Variants in ASB18 observed in about 807,000 individuals in gnomAD.
ASB18 encodes ankyrin repeat and SOCS box containing 18.
A neutral mutation model predicts 33.4 loss-of-function variants in ASB18; 33 were observed. That is an observed-to-expected ratio of 0.99 (90% CI 0.75 to 1.32). The LOEUF is 1.32. ASB18 is among the 40% of genes most tolerant of loss of function. ASB18 has a pLI of 0.00. For missense variants in ASB18, 694 were observed against 655.5 expected (o/e 1.06, Z -0.64); for synonymous variants, 295 against 307.6 (o/e 0.96, Z 0.43).
In ASB18 at chr2:236,237,354, CGCGGGGCG is replaced by C. The variant is rs2060597569; in HGVS notation, c.596+327_596+334del. On this transcript the variant is annotated intron_variant, in intron 3 of 5. Coordinates refer to ENST00000409749, the MANE Select transcript of ASB18 (RefSeq NM_212556.4). This position sits in a 1 kb window ranked among gnomAD's most constrained non-coding sequence, Gnocchi z 6.2. ...AAACCCGCGGGGGCCGGGGCCGGGG[CGCGGGGCG>C]GGGGCCGGGGCCGGGGCGCGGGGCG... 2.2e-5 allele frequency among the ~76,000 whole-genome samples: 1 copy of C among 45,424 alleles called. No homozygotes were observed. 29.8% of individuals were successfully genotyped at this position (45,424 alleles called of 152,430 possible). A position where few individuals can be genotyped will look rare whatever the true frequency, so the allele number is the denominator to read the frequency against.
intron 4 of ASB18, among the ~76,000 whole-genome samples, chr2:236,197,821 T>TAAA: frequency 1.0e-5 from 1 of 99,842 alleles, no homozygotes; most frequent in African/African-American, 1.0e-4. Context: ...AAACTCAGTC[T>TAAA]CAAAAAAAAA....
intron 4 of ASB18, among the ~76,000 whole-genome samples, chr2:236,201,924 T>A (rs2060405151): frequency 6.6e-6 from 1 of 151,932 alleles, no homozygotes; most frequent in Non-Finnish European, 1.5e-5. Flanking sequence ...AAGTACATTT[T>A]TTTTTGCCAG....
chr2:236,203,884 A>AAACCAACCAACC lies in ASB18; in HGVS notation c.1102-7511_1102-7500dup, dbSNP rs558164843. On this transcript the variant is annotated intron_variant, in intron 4 of 5. Transcript: ENST00000409749. The surrounding 1 kb of genome is among the most constrained non-coding windows in gnomAD (Gnocchi z 6.0). ...CCCCTCTCAAAAACCAAACCAAACC[A>AAACCAACCAACC]AACCAACCAACCAACCAACCAACCA... Among the ~76,000 whole-genome samples, 1 of 120,730 alleles carries AAACCAACCAACC rather than the reference A, an allele frequency of 8.3e-6. No homozygotes were observed. Among genetic ancestry groups the AAACCAACCAACC allele is most frequent in the African/African-American group, 3.1e-5 (1 of 32,720 alleles). The allele number at this position is 120,730 out of a possible 152,430, so 79.2% of individuals were successfully genotyped here. A position where few individuals can be genotyped will look rare whatever the true frequency, so the allele number is the denominator to read the frequency against.
rs1308255179 is a variant in ASB18, at chr2:236,222,749, G to C, written c.597-7883C>G. On this transcript the variant is annotated intron_variant, in intron 3 of 5. Transcript: ENST00000409749. This position sits in a 1 kb window ranked among gnomAD's most constrained non-coding sequence, Gnocchi z 5.5. ...TAAAAGCATGTGGCAGCCAGGTGTGGTGGCTCACGCCTGTAATCCCAACAC... is the reference window on the plus strand; with the variant it reads ...TAAAAGCATGTGGCAGCCAGGTGTGCTGGCTCACGCCTGTAATCCCAACAC... Among the ~76,000 whole-genome samples the C allele has an allele frequency of 1.3e-5, 2 of 152,212 alleles. No individual in the cohort carries two copies. Among genetic ancestry groups the C allele is most frequent in the Non-Finnish European group, 2.9e-5 (2 of 68,036 alleles).
Position 236,205,977 on chromosome 2 carries a change from A to T in ASB18, c.1101+8385T>A, listed in dbSNP as rs1381562141. ...AGAACATTTTTGTTAGAATGTATAT[A>T]GGTATGTGCCTCCTGTCATTGATTT... On this transcript the variant is annotated intron_variant, in intron 4 of 5. Coordinates refer to ENST00000409749, the MANE Select transcript of ASB18 (RefSeq NM_212556.4). The surrounding 1 kb of genome is among the most constrained non-coding windows in gnomAD (Gnocchi z 5.4). Among the ~76,000 whole-genome samples the T allele has an allele frequency of 6.6e-6, 1 of 152,210 alleles. No homozygotes were observed. Among genetic ancestry groups the T allele is most frequent in the Non-Finnish European group, 1.5e-5 (1 of 68,040 alleles).
rs112758172 is a variant in ASB18 at position 236,237,081 on chromosome 2, G to A, written c.596+608C>T. On this transcript the variant is annotated intron_variant, in intron 3 of 5. Coordinates refer to ENST00000409749, the MANE Select transcript of ASB18 (RefSeq NM_212556.4). This position sits in a 1 kb window ranked among gnomAD's most constrained non-coding sequence, Gnocchi z 6.2. Reference sequence around the variant, plus strand: ...GCGCGAACTAGCTGAGCGGCCGCTGGGCCTCCCTAGAGGCCGGCACAGCTC... The same window carrying A: ...GCGCGAACTAGCTGAGCGGCCGCTGAGCCTCCCTAGAGGCCGGCACAGCTC... Among the ~76,000 whole-genome samples the A allele has an allele frequency of 6.6e-6, 1 of 152,062 alleles. No homozygotes were observed. The highest frequency in any genetic ancestry group is 1.5e-5 in the Non-Finnish European group (1 of 67,978).
At chr2:236,197,294 A>C (rs2060378734) in intron 4 of ASB18, among the ~76,000 whole-genome samples, 1 of 152,242 alleles carries the variant, frequency 6.6e-6, no homozygotes, top group Non-Finnish European at 1.5e-5. Flanking sequence ...AAATGCCATT[A>C]TATTAACAAA....
rs2060637596 is a variant in ASB18, at chr2:236,244,955, C to T, written c.206-3553G>A. On this transcript the variant is annotated intron_variant, in intron 1 of 5. Coordinates refer to ENST00000409749, the MANE Select transcript of ASB18 (RefSeq NM_212556.4). This position sits in a 1 kb window ranked among gnomAD's most constrained non-coding sequence, Gnocchi z 6.1. Reference sequence around the variant, plus strand: ...AATGATAAAACCCACCTCTCTTCTACAGAGGAGGGCTGCAGTGGTGCTGGG... The same window carrying T: ...AATGATAAAACCCACCTCTCTTCTATAGAGGAGGGCTGCAGTGGTGCTGGG... Among the ~76,000 whole-genome samples the T allele has an allele frequency of 1.3e-5, 2 of 152,170 alleles. No individual in the cohort carries two copies. Among genetic ancestry groups the T allele is most frequent in the South Asian group, 4.1e-4 (2 of 4,830 alleles).
Position 236,228,654 on chromosome 2 carries a change from C to T in ASB18, c.596+9035G>A, listed in dbSNP as rs2060551746. Among the ~76,000 whole-genome samples, 1 of 152,134 alleles carries T rather than the reference C, an allele frequency of 6.6e-6. No individual in the cohort carries two copies. The highest frequency in any genetic ancestry group is 1.9e-4 in the East Asian group (1 of 5,196). ...TCTAGGACAGAAACGGTGCAGTGCTCATCACATGCACAGGTTCAGGAATAG... is the reference window on the plus strand; with the variant it reads ...TCTAGGACAGAAACGGTGCAGTGCTTATCACATGCACAGGTTCAGGAATAG... On this transcript the variant is annotated intron_variant, in intron 3 of 5. Transcript: ENST00000409749. The surrounding 1 kb of genome is among the most constrained non-coding windows in gnomAD (Gnocchi z 5.1).
rs1336494280 is a variant in ASB18 at position 236,215,849 on chromosome 2, C to G, written c.597-983G>C. ...CCTGCCATCGATAAGGCCGCTCCAG[C>G]CTTGGAAGTCTGCAAACATGCCGAC... On this transcript the variant is annotated intron_variant, in intron 3 of 5. Transcript: ENST00000409749. This position sits in a 1 kb window ranked among gnomAD's most constrained non-coding sequence, Gnocchi z 7.2. Among the ~76,000 whole-genome samples, 1 of 152,198 alleles carries G rather than the reference C, an allele frequency of 6.6e-6. No individual in the cohort carries two copies. The highest frequency in any genetic ancestry group is 1.5e-5 in the Non-Finnish European group (1 of 68,028).
At position 236,222,734 on chromosome 2, in the gene ASB18, T is replaced by G. The variant is rs2060518267; in HGVS notation, c.597-7868A>C. Among the ~76,000 whole-genome samples, 1 of 152,184 alleles carries G rather than the reference T, an allele frequency of 6.6e-6. No homozygotes were observed. The highest frequency in any genetic ancestry group is 6.5e-5 in the Admixed American group (1 of 15,286). Reference sequence around the variant, plus strand: ...GGTGATCTGGCTGTTTAAAAGCATGTGGCAGCCAGGTGTGGTGGCTCACGC... The same window carrying G: ...GGTGATCTGGCTGTTTAAAAGCATGGGGCAGCCAGGTGTGGTGGCTCACGC... On this transcript the variant is annotated intron_variant, in intron 3 of 5. Coordinates refer to ENST00000409749, the MANE Select transcript of ASB18 (RefSeq NM_212556.4). This position sits in a 1 kb window ranked among gnomAD's most constrained non-coding sequence, Gnocchi z 5.5.
rs1400347626 is a variant in ASB18, at chr2:236,195,290, C to T, written c.1216-233G>A. 1.3e-5 allele frequency among the ~76,000 whole-genome samples: 2 copies of T among 152,184 alleles called. No individual in the cohort carries two copies. The highest frequency in any genetic ancestry group is 3.9e-4 in the East Asian group (2 of 5,182). On this transcript the variant is annotated intron_variant, in intron 5 of 5. Transcript: ENST00000409749. The surrounding 1 kb of genome is among the most constrained non-coding windows in gnomAD (Gnocchi z 5.5). ...TGAGAGGGGATTCTGACTGGGGTGA[C>T]TTCAGATGCTCCAGGTGGTCTCCCC...
rs906550097 is a variant in ASB18 at position 236,231,997 on chromosome 2, T to G, written c.596+5692A>C. Among the ~76,000 whole-genome samples, 4 of 152,190 alleles carry G rather than the reference T, an allele frequency of 2.6e-5. No homozygotes were observed. The highest frequency in any genetic ancestry group is 5.9e-5 in the Non-Finnish European group (4 of 68,032). On this transcript the variant is annotated intron_variant, in intron 3 of 5. Coordinates refer to ENST00000409749, the MANE Select transcript of ASB18 (RefSeq NM_212556.4). This position sits in a 1 kb window ranked among gnomAD's most constrained non-coding sequence, Gnocchi z 5.5. ...ATATAGAAATATTAAACAACATGGTTAGGCAATTTGATTTAATTTACATTT... is the reference window on the plus strand; with the variant it reads ...ATATAGAAATATTAAACAACATGGTGAGGCAATTTGATTTAATTTACATTT...
Position 236,244,964 on chromosome 2 carries a change from G to A in ASB18, c.206-3562C>T, listed in dbSNP as rs967551636. Among the ~76,000 whole-genome samples, 7 of 152,162 alleles carry A rather than the reference G, an allele frequency of 4.6e-5. No individual in the cohort carries two copies. Among genetic ancestry groups the A allele is most frequent in the South Asian group, 2.1e-4 (1 of 4,820 alleles). ...ACCCACCTCTCTTCTACAGAGGAGG[G>A]CTGCAGTGGTGCTGGGTGGGGAGGG... On this transcript the variant is annotated intron_variant, in intron 1 of 5. Coordinates refer to ENST00000409749, the MANE Select transcript of ASB18 (RefSeq NM_212556.4). The surrounding 1 kb of genome is among the most constrained non-coding windows in gnomAD (Gnocchi z 6.1).
rs2060563966 is a variant in ASB18, at chr2:236,231,394, T to C, written c.596+6295A>G. 6.6e-6 allele frequency among the ~76,000 whole-genome samples: 1 copy of C among 152,176 alleles called. No homozygotes were observed. The highest frequency in any genetic ancestry group is 6.5e-5 in the Admixed American group (1 of 15,274). On this transcript the variant is annotated intron_variant, in intron 3 of 5. Transcript: ENST00000409749. The surrounding 1 kb of genome is among the most constrained non-coding windows in gnomAD (Gnocchi z 5.5). ...AGTGATTAGGCCCTCATAGATGGGA[T>C]TAGTGCCCTTATAAAAGGGCTTGAG...
Position 236,225,355 on chromosome 2 carries a change from C to T in ASB18, c.597-10489G>A, listed in dbSNP as rs2060532146. 6.6e-6 allele frequency among the ~76,000 whole-genome samples: 1 copy of T among 152,192 alleles called. No individual in the cohort carries two copies. Among genetic ancestry groups the T allele is most frequent in the Admixed American group, 6.5e-5 (1 of 15,280 alleles). ...CTCAAACTCCTGGGCTCAAGCGATC[C>T]TCTAGCCTTGGCCTCCTAAAATGAT... On this transcript the variant is annotated intron_variant, in intron 3 of 5. Transcript: ENST00000409749. The surrounding 1 kb of genome is among the most constrained non-coding windows in gnomAD (Gnocchi z 5.1).
chr2:236,244,872 C>A lies in ASB18; in HGVS notation c.206-3470G>T, dbSNP rs755922467. Among the ~76,000 whole-genome samples the A allele has an allele frequency of 3.9e-5, 6 of 152,158 alleles. No homozygotes were observed. Among genetic ancestry groups the A allele is most frequent in the African/African-American group, 1.4e-4 (6 of 41,440 alleles). On this transcript the variant is annotated intron_variant, in intron 1 of 5. Coordinates refer to ENST00000409749, the MANE Select transcript of ASB18 (RefSeq NM_212556.4). This position sits in a 1 kb window ranked among gnomAD's most constrained non-coding sequence, Gnocchi z 6.1. Reference sequence around the variant, plus strand: ...TTGTTGTAGAACCCTTGTTCTGACCCCTGTTACAGGCATGAGTTTATGTGC... The same window carrying A: ...TTGTTGTAGAACCCTTGTTCTGACCACTGTTACAGGCATGAGTTTATGTGC...
rs1413833382 is a variant in ASB18 at position 236,200,195 on chromosome 2, C to G, written c.1102-3810G>C. 6.6e-6 allele frequency among the ~76,000 whole-genome samples: 1 copy of G among 151,864 alleles called. No homozygotes were observed. Among genetic ancestry groups the G allele is most frequent in the Non-Finnish European group, 1.5e-5 (1 of 67,954 alleles). The stretch of plus-strand genomic sequence containing the variant: ...AGCTCCATCTCTACTAAAAATACAA[C>G]AAAATTAGCCAGGCATGGTGGTGCA... On this transcript the variant is annotated intron_variant, in intron 4 of 5. Coordinates refer to ENST00000409749, the MANE Select transcript of ASB18 (RefSeq NM_212556.4). This position sits in a 1 kb window ranked among gnomAD's most constrained non-coding sequence, Gnocchi z 4.2.
chr2:236,261,526 G>A (rs149844991), intron 1 of ASB18, among the ~76,000 whole-genome samples: 611 of 152,268 alleles, frequency 4.0e-3, no homozygotes, highest in South Asian at 9.5e-3. Context: ...CTGATAACGC[G>A]TGCCCTAGGA....
Sources: gnomAD v4.1 joint callset for allele counts (sites outside exome capture counted in the v4.1 genomes callset) on GRCh38, gnomAD v4.1.1 for gene constraint, Gnocchi (gnomAD v3.1) non-coding constraint, MANE v1.5 for transcripts, NCBI Gene and HGNC (gene_info 2026-07-23, HGNC 2026-07-21) for gene names.